The following WDR7 variants were observed in gnomAD, a reference collection of about 807,000 sequenced individuals.
WDR7 encodes WD repeat domain 7.
WDR7 carries 46 observed loss-of-function variants against 169.4 expected under a neutral mutation model. The ratio of observed to expected loss-of-function variants is 0.27; its 90% CI spans 0.21 to 0.35. WDR7 has a LOEUF of 0.35. Ranked by LOEUF, WDR7 falls within the 10% of genes least tolerant of loss-of-function variation. WDR7 has a pLI of 1.00. For missense variants in WDR7, 1,534 were observed against 1,859.3 expected (o/e 0.83, Z 3.22); for synonymous variants, 612 against 666.8 (o/e 0.92, Z 1.27).
At chr18:56,823,564 C>T (rs572478407) in intron 20 of WDR7, among the ~76,000 whole-genome samples, 13 of 152,144 alleles carry the variant, frequency 8.5e-5, no homozygotes, top group East Asian at 1.9e-4. Flanking sequence ...CCAGCCTGGG[C>T]GACAGAGCAA....
Position 57,028,306 on chromosome 18 carries a change from A to G in WDR7, c.*1099A>G, listed in dbSNP as rs763402022. 9.2e-5 allele frequency: 14 copies of G among 152,240 alleles called. No individual in the cohort carries two copies. Among genetic ancestry groups the G allele is most frequent in the Non-Finnish European group, 1.6e-4 (11 of 68,038 alleles). 9.4% of individuals were successfully genotyped at this position (152,240 alleles called of 1,614,324 possible). A position where few individuals can be genotyped will look rare whatever the true frequency, so the allele number is the denominator to read the frequency against. ...GTATATAAAAATATGTGGGCTCTCG[A>G]TTTATTTGAGCAAACATTGCAATGA... On this transcript the variant is annotated 3_prime_UTR_variant, in exon 28 of 28. Transcript: ENST00000254442.
At chr18:56,680,097 C>T (rs746404619) in intron 3 of WDR7, among the ~76,000 whole-genome samples, 14 of 152,190 alleles carry the variant, frequency 9.2e-5, no homozygotes, top group South Asian at 4.1e-4. Flanking sequence ...TGGCTCACTC[C>T]TGTAATCCTA....
chr18:56,995,778 T>C (rs528657789), intron 26 of WDR7, among the ~76,000 whole-genome samples: 9 of 152,344 alleles, frequency 5.9e-5, no homozygotes, highest in East Asian at 1.9e-4. Flanking sequence ...CTGTGTGTAC[T>C]ACATCCCCAG....
At chr18:56,698,646 A>G (rs1217227176) in intron 12 of WDR7, among the ~76,000 whole-genome samples, 1 of 152,178 alleles carries the variant, frequency 6.6e-6, no homozygotes, top group Non-Finnish European at 1.5e-5. Flanking sequence ...TTAAAATAAT[A>G]AAATGTTTTT....
intron 20 of WDR7, among the ~76,000 whole-genome samples, chr18:56,821,649 C>T (rs1411558865): frequency 2.1e-5 from 3 of 143,066 alleles, no homozygotes; most frequent in Admixed American, 7.0e-5. Flanking sequence ...CATACCCCTC[C>T]TTTTTTTTTT....
intron 26 of WDR7, among the ~76,000 whole-genome samples, chr18:56,977,464 G>C (rs1485157832): frequency 1.3e-5 from 2 of 152,324 alleles, no homozygotes; most frequent in Middle Eastern, 3.4e-3. Flanking sequence ...TGCACTGAGA[G>C]GAAAGGCTGG....
rs747537682 is a variant in WDR7, at chr18:56,923,932, G to A, written c.3537G>A (p.Leu1179=). ...ATTCTATAATTTCAGGCAAGGCACTGACGTTTCTTCTGCTACAGCCTCCAA... is the reference window on the plus strand; with the variant it reads ...ATTCTATAATTTCAGGCAAGGCACTAACGTTTCTTCTGCTACAGCCTCCAA... ...YSLARHTCKA[L]TFLLLQPPSP... The change falls in exon 22 of 28, where the codon CTG becomes CTA. Residue 1179 remains leucine, a synonymous_variant. Coordinates refer to ENST00000254442, the MANE Select transcript of WDR7 (RefSeq NM_015285.3). 1.9e-6 allele frequency: 3 copies of A among 1,555,776 alleles called. No individual in the cohort carries two copies. The highest frequency in any genetic ancestry group is 2.1e-5 in the Admixed American group (1 of 47,134).
chr18:56,669,726 C>T (rs972728456), intron 1 of WDR7, among the ~76,000 whole-genome samples: 1 of 152,014 alleles, frequency 6.6e-6, no homozygotes, highest in Non-Finnish European at 1.5e-5. Context: ...ACAGATTATT[C>T]TAGTCATTTG....
chr18:56,847,293 C>T (rs971222803), intron 20 of WDR7, among the ~76,000 whole-genome samples: 3 of 152,138 alleles, frequency 2.0e-5, no homozygotes, highest in Non-Finnish European at 2.9e-5. Context: ...AGTATTTGGC[C>T]AAAGAAATGT....
chr18:57,008,091 T>C lies in WDR7; in HGVS notation c.4165-12654T>C, dbSNP rs189064934. 7.9e-5 allele frequency among the ~76,000 whole-genome samples: 12 copies of C among 152,226 alleles called. No individual in the cohort carries two copies. The East Asian group carries it at 1.7e-3, about 22-fold the overall frequency. ...ACCTGAATTCTCACACTGAGCTCAT[T>C]ATTTCCTCTGACACCTTCCCACTGA... On this transcript the variant is annotated intron_variant, in intron 26 of 27. Transcript: ENST00000254442.
At chr18:56,776,913 A>T (rs777899608) in intron 17 of WDR7, 33 bp downstream of exon 17, 1 of 1,556,014 alleles carries the variant, frequency 6.4e-7, no homozygotes, top group Admixed American at 1.7e-5. Context: ...ACTTTCTCTC[A>T]ATCTGTGCTT....
intron 20 of WDR7, among the ~76,000 whole-genome samples, chr18:56,826,114 G>T (rs2045199154): frequency 6.6e-6 from 1 of 152,208 alleles, no homozygotes; most frequent in Non-Finnish European, 1.5e-5. Flanking sequence ...TAACCTTCAG[G>T]ATGAACTTAA....
At position 56,836,630 on chromosome 18, in the gene WDR7, G is replaced by C. The variant is rs2045401108; in HGVS notation, c.3304+20486G>C. 2.6e-5 allele frequency among the ~76,000 whole-genome samples: 4 copies of C among 151,940 alleles called. No homozygotes were observed. In the South Asian group the frequency reaches 8.3e-4, roughly 31 times the overall value. On this transcript the variant is annotated intron_variant, in intron 20 of 27. Coordinates refer to ENST00000254442, the MANE Select transcript of WDR7 (RefSeq NM_015285.3). ...TGAATATGAAAATATTCATTTTCTTGCGTCTATTTTCATCTATTTTCCATA... is the reference window on the plus strand; with the variant it reads ...TGAATATGAAAATATTCATTTTCTTCCGTCTATTTTCATCTATTTTCCATA...
At chr18:56,813,726 A>G (rs2044915735) in intron 19 of WDR7, among the ~76,000 whole-genome samples, 2 of 151,850 alleles carry the variant, frequency 1.3e-5, no homozygotes, top group Admixed American at 1.3e-4. Context: ...ACTGGTCTGT[A>G]GTTTTCTTTT....
rs1437965065 is a variant in WDR7, at chr18:56,651,549, A to C, written c.-47A>C. 1.3e-5 allele frequency: 2 copies of C among 152,660 alleles called. No homozygotes were observed. The highest frequency in any genetic ancestry group is 4.8e-5 in the African/African-American group (2 of 41,478). The allele number at this position is 152,660 out of a possible 1,614,324, so 9.5% of individuals were successfully genotyped here. A position where few individuals can be genotyped will look rare whatever the true frequency, so the allele number is the denominator to read the frequency against. ...GCCCACCGGCGGTCTGATAGGCTAC[A>C]TCGCGGCATGAGATGAAGCTGTGAC... On this transcript the variant is annotated 5_prime_UTR_variant, in exon 1 of 28. Coordinates refer to ENST00000254442, the MANE Select transcript of WDR7 (RefSeq NM_015285.3).
At chr18:56,872,350 CT>C (rs552893300) in intron 20 of WDR7, among the ~76,000 whole-genome samples, 54 of 152,204 alleles carry the variant, frequency 3.5e-4, no homozygotes, top group African/African-American at 1.3e-3. Context: ...TCTCTGACTG[CT>C]TTTTAAATGA....
intron 17 of WDR7, among the ~76,000 whole-genome samples, chr18:56,778,256 A>G (rs1249464897): frequency 1.3e-5 from 2 of 152,136 alleles, no homozygotes; most frequent in Admixed American, 1.3e-4. Flanking sequence ...CTCTTTGGCA[A>G]TTCCAATAAT....
chr18:56,993,678 A>G (rs2047850617), intron 26 of WDR7, among the ~76,000 whole-genome samples: 1 of 143,320 alleles, frequency 7.0e-6, no homozygotes, highest in Non-Finnish European at 1.6e-5. Context: ...GGCTGTCAAA[A>G]GGAGCTTTTG....
chr18:56,757,348 A>T lies in WDR7; in HGVS notation c.2755A>T (p.Thr919Ser). The change falls in exon 15 of 28, where the codon ACC becomes TCC. Residue 919 changes from threonine (T) to serine (S), a missense_variant. Thr to Ser is a moderately conservative substitution (Grantham distance 58). Coordinates refer to ENST00000254442, the MANE Select transcript of WDR7 (RefSeq NM_015285.3). ...FIGDHMKKGP[T>S]RPPRPSTPDL... ...TGGTGATCATATGAAGAAGGGTCCT[A>T]CCAGGTGTGACCATGATAGTTTGAT... 6.3e-7 allele frequency: 1 copy of T among 1,587,364 alleles called. No individual in the cohort carries two copies. Among genetic ancestry groups the T allele is most frequent in the Non-Finnish European group, 8.6e-7 (1 of 1,163,746 alleles).
Sources: allele counts gnomAD v4.1 joint callset (sites outside exome capture counted in the v4.1 genomes callset), GRCh38; gene constraint gnomAD v4.1.1; transcripts MANE v1.5; gene names NCBI Gene and HGNC (gene_info 2026-07-23, HGNC 2026-07-21).